ERAP2: variants seen among roughly 807,000 people sequenced by gnomAD.
ERAP2 encodes the protein endoplasmic reticulum aminopeptidase 2.
ERAP2 carries 118 observed loss-of-function variants against 111.1 expected under a neutral mutation model. The observed-to-expected ratio is 1.06, with a 90% CI of 0.92 to 1.24. ERAP2 has a LOEUF of 1.24. ERAP2 is among the 50% of genes most tolerant of loss of function. The pLI, the probability that ERAP2 is intolerant of heterozygous loss-of-function variation, is 0.00. For synonymous variants in ERAP2, 410 were observed against 401.2 expected, an observed-to-expected ratio of 1.02 and a Z score of -0.26; for missense variants, 1,131 against 1,125.8, an observed-to-expected ratio of 1.00 and a Z score of -0.07.
Position 96,913,380 on chromosome 5 carries a change from T to G in ERAP2, c.2580T>G (p.His860Gln), listed in dbSNP as rs140092824. Residue 860 changes from histidine to glutamine, a missense_variant, in exon 17 of 19, where the codon CAT becomes CAG. This residue lies in a region of ERAP2 where 279 missense variants were observed against 250.9 expected (regional missense o/e 1.11). Coordinates refer to ENST00000437043, the MANE Select transcript of ERAP2 (RefSeq NM_022350.5). ...IKTQNLAALLHAIARRPKGQQ... is the reference protein window; with the variant it reads ...IKTQNLAALLQAIARRPKGQQ... ...CACAGAACTTGGCAGCTCTCCTTCA[T>G]GCGATTGCCAGACGTCCAAAGGGGC... The G allele has an allele frequency of 1.2e-6, 2 of 1,614,128 alleles. No homozygotes were observed. Among genetic ancestry groups the G allele is most frequent in the South Asian group, 2.2e-5 (2 of 91,076 alleles).
intron 6 of ERAP2, among the ~76,000 whole-genome samples, chr5:96,894,168 G>A (rs185861809): frequency 7.9e-5 from 12 of 152,318 alleles, no homozygotes; most frequent in East Asian, 5.8e-4. Context: ...TGCCAGGAAC[G>A]CAGTAGGTTC....
At chr5:96,880,819 G>A (rs1051385409) in intron 2 of ERAP2, 11 of 160,376 alleles carry the variant, frequency 6.9e-5, no homozygotes, top group Admixed American at 1.2e-4. Flanking sequence ...GGATCTGATG[G>A]AAGAGACAAC....
chr5:96,900,638 A>G (rs144073184), intron 10 of ERAP2, among the ~76,000 whole-genome samples: 1 of 152,160 alleles, frequency 6.6e-6, no homozygotes, highest in African/African-American at 2.4e-5. Flanking sequence ...TTATTTAAAC[A>G]AAGAGTCATG....
Position 96,913,445 on chromosome 5 carries a change from A to C in ERAP2, c.2645A>C (p.His882Pro), listed in dbSNP as rs1367777947. 5 of 1,613,946 alleles carry C rather than the reference A, an allele frequency of 3.1e-6. No individual in the cohort carries two copies. In the African/African-American group the frequency reaches 4.0e-5, roughly 13 times the overall value. ...GATTTTGTAAGAGAAAATTGGACCC[A>C]TCTTCTGAAAAAGTTGGTATTCATT... Reference protein sequence around the residue: ...AWDFVRENWTHLLKKFDLGSY... With the variant: ...AWDFVRENWTPLLKKFDLGSY... The change falls in exon 17 of 19, where the codon CAT (histidine) becomes CCT (proline). Residue 882 changes from histidine to proline, a missense_variant. Physicochemically the swap from His to Pro is moderately conservative, Grantham distance 77. Coordinates refer to ENST00000437043, the MANE Select transcript of ERAP2 (RefSeq NM_022350.5).
At chr5:96,911,287 A>G (rs1465566380) in intron 15 of ERAP2, among the ~76,000 whole-genome samples, 1 of 152,218 alleles carries the variant, frequency 6.6e-6, no homozygotes, top group Non-Finnish European at 1.5e-5. Flanking sequence ...TGACAAATGC[A>G]AATTTCTGGC....
At chr5:96,889,611 G>T in intron 5 of ERAP2, 1 of 657,376 alleles carries the variant, frequency 1.5e-6, no homozygotes, top group Non-Finnish European at 2.7e-6. Context: ...GCCAGGTAGA[G>T]GGTCCAGGAA....
upstream of ERAP2, chr5:96,876,169 G>A (rs1456816131): frequency 2.6e-5 from 4 of 152,554 alleles, no homozygotes; most frequent in South Asian, 8.3e-4. Flanking sequence ...ACAAGGAGAA[G>A]TTCAAGATCA....
chr5:96,919,428 A>G lies in ERAP2; in HGVS notation c.*1823A>G, dbSNP rs1337966141. The G allele has an allele frequency of 6.6e-6, 1 of 152,372 alleles. No homozygotes were observed. The highest frequency in any genetic ancestry group is 1.5e-5 in the Non-Finnish European group (1 of 68,036). The allele number at this position is 152,372 out of a possible 1,614,324, so 9.4% of individuals were successfully genotyped here. Reference sequence around the variant, plus strand: ...TTTAGCATAAGGAAATTGAAAAAGTAAAACATACTGGTTTTTTTCAACAAG... The same window carrying G: ...TTTAGCATAAGGAAATTGAAAAAGTGAAACATACTGGTTTTTTTCAACAAG... On this transcript the variant is annotated 3_prime_UTR_variant, in exon 19 of 19. Transcript: ENST00000437043.
chr5:96,879,629 C>T lies in ERAP2; in HGVS notation c.-57C>T. On this transcript the variant is annotated 5_prime_UTR_variant, in exon 2 of 19. Transcript: ENST00000437043. The stretch of plus-strand genomic sequence containing the variant: ...GACATAACTGGAGCCAGTGCAGTGC[C>T]ATGAAGAACTACGAGATTAGCCTGG... The T allele has an allele frequency of 7.0e-7, 1 of 1,432,550 alleles. No individual in the cohort carries two copies. Among genetic ancestry groups the T allele is most frequent in the South Asian group, 1.2e-5 (1 of 82,526 alleles). The allele number at this position is 1,432,550 out of a possible 1,614,324, so 88.7% of individuals were successfully genotyped here.
rs201986447 is a variant in ERAP2, at chr5:96,896,817, G to A, written c.1457G>A (p.Ser486Asn). ...KGIIQYLKKFSYRNAKNDDLW... is the reference protein window; with the variant it reads ...KGIIQYLKKFNYRNAKNDDLW... ...ATAATTCAGTACTTAAAGAAGTTCA[G>A]CTATAGAAATGCTAAGAATGATGAC... Residue 486 changes from serine (S) to asparagine (N), a missense_variant, in exon 9 of 19, where the codon AGC (serine) becomes AAC (asparagine). Ser to Asn is a conservative substitution (Grantham distance 46). Transcript: ENST00000437043. 199 of 1,289,842 alleles carry A rather than the reference G, an allele frequency of 1.5e-4. No individual in the cohort carries two copies. Among genetic ancestry groups the A allele is most frequent in the Non-Finnish European group, 1.9e-4 (189 of 1,002,504 alleles). 79.9% of individuals were successfully genotyped at this position (1,289,842 alleles called of 1,614,324 possible).
chr5:96,912,074 C>T (rs753552999), intron 15 of ERAP2, among the ~76,000 whole-genome samples: 5 of 149,792 alleles, frequency 3.3e-5, no homozygotes, highest in Non-Finnish European at 7.4e-5. Flanking sequence ...CCTGTAGTCC[C>T]AGCTACTCGG....
Position 96,896,805 on chromosome 5 carries a change from TAAA to T in ERAP2, c.1446_1448del (p.Lys484del). 2 of 1,334,026 alleles carry T rather than the reference TAAA, an allele frequency of 1.5e-6. No homozygotes were observed. The highest frequency in any genetic ancestry group is 4.3e-4 in the Middle Eastern group (2 of 4,610). 82.6% of individuals were successfully genotyped at this position (1,334,026 alleles called of 1,614,324 possible). A position where few individuals can be genotyped will look rare whatever the true frequency, so the allele number is the denominator to read the frequency against. Reference sequence around the variant, plus strand: ...TTCCAGAAAGGAATAATTCAGTACTTAAAGAAGTTCAGCTATAGAAATGCTAAG... The same window carrying T: ...TTCCAGAAAGGAATAATTCAGTACTTGAAGTTCAGCTATAGAAATGCTAAG... On this transcript the variant is annotated inframe_deletion, in exon 9 of 19. Coordinates refer to ENST00000437043, the MANE Select transcript of ERAP2 (RefSeq NM_022350.5).
chr5:96,892,129 T>C (rs935849463), intron 5 of ERAP2, among the ~76,000 whole-genome samples, 170 bp from the exon 6 acceptor site: 1 of 152,226 alleles, frequency 6.6e-6, no homozygotes, highest in Admixed American at 6.5e-5. Context: ...TGGGCACTGA[T>C]TATTTTCAGC....
At chr5:96,914,042 T>C (rs941304096) in intron 17 of ERAP2, among the ~76,000 whole-genome samples, 1 of 152,168 alleles carries the variant, frequency 6.6e-6, no homozygotes, top group Non-Finnish European at 1.5e-5. Context: ...CATTTCAATA[T>C]GTTCCTGGAT....
At chr5:96,880,855 G>T (rs1458413846) in intron 2 of ERAP2, 4 of 159,194 alleles carry the variant, frequency 2.5e-5, no homozygotes, top group South Asian at 1.7e-4. Context: ...AATAAAATTG[G>T]CAAGGTAATT....
chr5:96,917,178 C>T (rs1787504651), intron 18 of ERAP2, among the ~76,000 whole-genome samples: 1 of 152,194 alleles, frequency 6.6e-6, no homozygotes, highest in Non-Finnish European at 1.5e-5. Flanking sequence ...ACCATCTTGG[C>T]TCATTGTAAC....
At chr5:96,888,000 C>T (rs187749695) in intron 4 of ERAP2, among the ~76,000 whole-genome samples, 1 of 152,034 alleles carries the variant, frequency 6.6e-6, no homozygotes, top group Admixed American at 6.5e-5. Context: ...TGTCAGGCAC[C>T]TGTAATCCCA....
At chr5:96,889,862 A>ACG (rs1491016911) in intron 5 of ERAP2, among the ~76,000 whole-genome samples, 1 of 144,484 alleles carries the variant, frequency 6.9e-6, no homozygotes, top group Non-Finnish European at 1.5e-5. Context: ...ACACACACAC[A>ACG]CGCATTGCAT....
intron 9 of ERAP2, among the ~76,000 whole-genome samples, chr5:96,899,229 G>GTTT (rs1166713534): frequency 1.2e-5 from 1 of 82,764 alleles, no homozygotes; most frequent in African/African-American, 4.7e-5. Context: ...CTTAAAATTT[G>GTTT]TCTTCTAAGT....
Sources: gnomAD v4.1 joint callset for allele counts (sites outside exome capture counted in the v4.1 genomes callset) on GRCh38, gnomAD v4.1.1 for gene constraint, gnomAD v4.1.1 regional missense constraint, MANE v1.5 for transcripts, NCBI Gene and HGNC (gene_info 2026-07-23, HGNC 2026-07-21) for gene names.